The following ATG12 variants were observed in gnomAD, a reference collection of about 807,000 sequenced individuals.
ATG12 encodes autophagy related 12.
Under a neutral mutation model 17.6 loss-of-function variants are expected in ATG12, and 19 were observed. The observed-to-expected ratio is 1.08, with a 90% CI of 0.75 to 1.58. The LOEUF is 1.58. Among genes scored for constraint, ATG12 ranks in the 40% most tolerant of loss-of-function variants. ATG12 has a pLI of 0.00. For synonymous variants in ATG12, 75 were observed against 62.4 expected (o/e 1.20, Z -0.95); for missense variants, 214 against 162.0 (o/e 1.32, Z -1.74).
intron 1 of ATG12, among the ~76,000 whole-genome samples, chr5:115,840,296 CT>C (rs544937852): frequency 0.042 from 5,704 of 135,010 alleles, 281 homozygotes; most frequent in African/African-American, 0.14. Flanking sequence ...AGACCAATGT[CT>C]TTTTTTTTTT....
chr5:115,833,560 G>T (rs184588174), intron 2 of ATG12: 20 of 152,108 alleles, frequency 1.3e-4, no homozygotes, highest in African/African-American at 4.1e-4. Flanking sequence ...CTCTTTATTT[G>T]TAAGATATGG....
chr5:115,836,765 G>A (rs1408694727), intron 2 of ATG12, among the ~76,000 whole-genome samples: 2 of 152,114 alleles, frequency 1.3e-5, no homozygotes, highest in East Asian at 3.8e-4. Flanking sequence ...AGATAAAGGT[G>A]TCTCATACAT....
rs771070353 is a variant in ATG12, at chr5:115,841,487, A to G, written c.66T>C (p.Leu22=). ...TGGTTGTTTCTGGGGAGACATCCGT[A>G]AGTCCTTCCCCTCCAGCAGCAATTG... is the stretch of plus-strand genomic sequence containing the variant. ...PTSIAAGGEG[L]TDVSPETTTP... The change falls in exon 1 of 4, where the codon CTT becomes CTC. Residue 22 remains leucine, a synonymous_variant. Coordinates refer to ENST00000509910, the MANE Select transcript of ATG12 (RefSeq NM_004707.4). 1 of 1,611,898 alleles carries G rather than the reference A, an allele frequency of 6.2e-7. No individual in the cohort carries two copies. The highest frequency in any genetic ancestry group is 8.5e-7 in the Non-Finnish European group (1 of 1,179,384).
At chr5:115,841,285 T>C (rs992402367) in intron 1 of ATG12, 105 bp downstream of exon 1, 75 of 1,467,078 alleles carry the variant, frequency 5.1e-5, no homozygotes, top group Non-Finnish European at 6.6e-5. Flanking sequence ...AAAATGCAGG[T>C]CTAGGACAGG....
chr5:115,840,160 G>A (rs993084756), intron 1 of ATG12, among the ~76,000 whole-genome samples: 4 of 152,244 alleles, frequency 2.6e-5, no homozygotes, highest in Admixed American at 2.0e-4. Flanking sequence ...AAAGATTCCA[G>A]TGGCTATCCA....
chr5:115,837,968 A>AT, intron 1 of ATG12: 1 of 436,680 alleles, frequency 2.3e-6, no homozygotes, highest in East Asian at 3.9e-5. Flanking sequence ...AACAGGACTA[A>AT]TTTTTAAAAT....
Position 115,829,119 on chromosome 5 carries a change from T to A in ATG12, c.*2685A>T, listed in dbSNP as rs918832414. ...TACGATTTGAACTGTATTCAAATAG[T>A]AGTATTTGCTGAACTGTTTTCTGAA... On this transcript the variant is annotated 3_prime_UTR_variant, in exon 4 of 4. Coordinates refer to ENST00000509910, the MANE Select transcript of ATG12 (RefSeq NM_004707.4). 4 of 152,224 alleles carry A rather than the reference T, an allele frequency of 2.6e-5. No homozygotes were observed. The highest frequency in any genetic ancestry group is 5.9e-5 in the Non-Finnish European group (4 of 68,036). The allele number at this position is 152,224 out of a possible 1,614,324, so 9.4% of individuals were successfully genotyped here. A position where few individuals can be genotyped will look rare whatever the true frequency, so the allele number is the denominator to read the frequency against.
At chr5:115,835,590 T>C (rs1761061016) in intron 2 of ATG12, among the ~76,000 whole-genome samples, 2 of 152,070 alleles carry the variant, frequency 1.3e-5, no homozygotes, top group Non-Finnish European at 2.9e-5. Flanking sequence ...CCCAGAGCCC[T>C]CCTGGGTCCA....
At chr5:115,839,090 TC>T (rs1761221218) in intron 1 of ATG12, 1 of 136,732 alleles carries the variant, frequency 7.3e-6, no homozygotes. Context: ...GCCACTGCAC[TC>T]CAGCCTGGGT....
chr5:115,837,662 T>G lies in ATG12; in HGVS notation c.266A>C (p.Lys89Thr), dbSNP rs768218923. 9 of 1,612,134 alleles carry G rather than the reference T, an allele frequency of 5.6e-6. No homozygotes were observed. Among genetic ancestry groups the G allele is most frequent in the Non-Finnish European group, 7.6e-6 (9 of 1,179,814 alleles). ...RTIQGLIDFI[K>T]KFLKLVASEQ... ...TGAGGCCACAAGTTTAAGAAACTTTTTGATGAAGTCAATGAGTCCTTGGAT... is the reference window on the plus strand; with the variant it reads ...TGAGGCCACAAGTTTAAGAAACTTTGTGATGAAGTCAATGAGTCCTTGGAT... The change falls in exon 2 of 4, where the codon AAA (lysine) becomes ACA (threonine). Residue 89 changes from lysine (K) to threonine (T), a missense_variant. Coordinates refer to ENST00000509910, the MANE Select transcript of ATG12 (RefSeq NM_004707.4).
chr5:115,840,872 C>T (rs1561456484), intron 1 of ATG12: 2 of 1,286,326 alleles, frequency 1.6e-6, no homozygotes, highest in Non-Finnish European at 2.0e-6. Context: ...TTAGCTTTCC[C>T]TTAGCAGTCT....
At chr5:115,833,437 T>C (rs571794395) in intron 2 of ATG12, 2 of 152,166 alleles carry the variant, frequency 1.3e-5, no homozygotes, top group East Asian at 1.9e-4. Flanking sequence ...TCACCAACCA[T>C]GAACCATCAA....
chr5:115,841,296 C>CTCTAAAT, intron 1 of ATG12, 94 bp downstream of exon 1: 1 of 1,526,266 alleles, frequency 6.6e-7, no homozygotes, highest in Non-Finnish European at 8.9e-7. Context: ...CTAGGACAGG[C>CTCTAAAT]GCTCCTCTAA....
rs774434616 is a variant in ATG12, at chr5:115,841,345, C to A, written c.163+45G>T. 9 of 1,607,688 alleles carry A rather than the reference C, an allele frequency of 5.6e-6. No individual in the cohort carries two copies. In the South Asian group the frequency reaches 8.8e-5, roughly 16 times the overall value. ...ACTGGCCGCCACCCCTACTCGGATGCAATCTGAACCTCCCGCCTCTCTGCC... is the reference window on the plus strand; with the variant it reads ...ACTGGCCGCCACCCCTACTCGGATGAAATCTGAACCTCCCGCCTCTCTGCC... On this transcript the variant is annotated intron_variant, in intron 1 of 3. Transcript: ENST00000509910.
At chr5:115,836,088 G>A (rs1761087025) in intron 2 of ATG12, among the ~76,000 whole-genome samples, 1 of 152,010 alleles carries the variant, frequency 6.6e-6, no homozygotes, top group African/African-American at 2.4e-5. Context: ...GTTTAATCTA[G>A]GAAAATGACA....
intron 2 of ATG12, among the ~76,000 whole-genome samples, chr5:115,836,154 C>A (rs1411262411): frequency 6.6e-6 from 1 of 152,070 alleles, no homozygotes; most frequent in African/African-American, 2.4e-5. Context: ...ATATTCACTA[C>A]AGAGGATTTA....
intron 2 of ATG12, 28 bp from the exon 3 acceptor site, chr5:115,832,692 T>C (rs1760936361): frequency 1.3e-6 from 2 of 1,502,418 alleles, no homozygotes; most frequent in Admixed American, 2.6e-5. Context: ...AAAACAGAGA[T>C]GTTTAATGGT....
At chr5:115,835,088 TTC>T (rs1452956446) in intron 2 of ATG12, 1 of 151,804 alleles carries the variant, frequency 6.6e-6, no homozygotes, top group African/African-American at 2.4e-5. Context: ...TGAAATAATT[TTC>T]TTTTATTTCT....
chr5:115,839,014 T>C (rs1249206282), intron 1 of ATG12: 1 of 151,718 alleles, frequency 6.6e-6, no homozygotes, highest in African/African-American at 2.4e-5. Flanking sequence ...TCTCAGCTAC[T>C]TGGGAGGCTG....
Sources: gnomAD v4.1 joint callset for allele counts (sites outside exome capture counted in the v4.1 genomes callset) on GRCh38, gnomAD v4.1.1 for gene constraint, MANE v1.5 for transcripts, NCBI Gene and HGNC (gene_info 2026-07-23, HGNC 2026-07-21) for gene names.